Variants in PKD2L2 observed in about 807,000 individuals in gnomAD.
PKD2L2 encodes the protein polycystin 2 like 2, transient receptor potential cation channel.
Under a neutral mutation model 83.9 loss-of-function variants are expected in PKD2L2, and 67 were observed. The ratio of observed to expected loss-of-function variants is 0.80; its 90% CI spans 0.66 to 0.98. PKD2L2 has a LOEUF of 0.98. Ranked by LOEUF, PKD2L2 falls within the 50% of genes least tolerant of loss-of-function variation. The pLI, the probability that PKD2L2 is intolerant of heterozygous loss-of-function variation, is 0.00. For synonymous variants in PKD2L2, 223 were observed against 237.8 expected (o/e 0.94, Z 0.57); for missense variants, 632 against 717.2 (o/e 0.88, Z 1.36).
chr5:137,921,813 A>T, intron 9 of PKD2L2, 57 bp downstream of exon 9: 1 of 1,272,492 alleles, frequency 7.9e-7, no homozygotes, highest in Non-Finnish European at 1.1e-6. Flanking sequence ...AAGTAAAATT[A>T]CTCATTTAGA....
intron 12 of PKD2L2, among the ~76,000 whole-genome samples, chr5:137,929,587 A>G (rs1441998426): frequency 4.6e-5 from 7 of 150,636 alleles, no homozygotes; most frequent in Non-Finnish European, 5.9e-5. Flanking sequence ...GACTTAAAAT[A>G]TAAATATAAA....
chr5:137,917,114 G>A (rs1449843472), intron 8 of PKD2L2, among the ~76,000 whole-genome samples: 1 of 150,628 alleles, frequency 6.6e-6, no homozygotes, highest in African/African-American at 2.4e-5. Flanking sequence ...TGTGTATGTT[G>A]GTCTACTTGA....
At chr5:137,898,314 ATATC>A (rs1197447209) in intron 4 of PKD2L2, among the ~76,000 whole-genome samples, 1 of 152,238 alleles carries the variant, frequency 6.6e-6, no homozygotes. Context: ...TTTCATTAAA[ATATC>A]TACGTAACAA....
intron 4 of PKD2L2, 27 bp downstream of exon 4, chr5:137,894,636 C>A (rs866459461): frequency 6.4e-7 from 1 of 1,553,572 alleles, no homozygotes; most frequent in Middle Eastern, 1.9e-4. Flanking sequence ...TATACTGTAA[C>A]TTTTTCTAGC....
intron 8 of PKD2L2, 60 bp from the exon 9 acceptor site, chr5:137,921,576 C>A: frequency 1.9e-6 from 2 of 1,043,374 alleles, no homozygotes; most frequent in South Asian, 1.4e-5. Context: ...TAGTAACTCC[C>A]ATCAGTTGTC....
intron 12 of PKD2L2, among the ~76,000 whole-genome samples, chr5:137,931,110 G>A (rs1355927841): frequency 3.3e-5 from 5 of 152,082 alleles, no homozygotes; most frequent in African/African-American, 1.2e-4. Context: ...AAAACTGAAT[G>A]AAATGGGCAA....
At chr5:137,913,164 C>T (rs559883282) in intron 8 of PKD2L2, among the ~76,000 whole-genome samples, 7 of 148,736 alleles carry the variant, frequency 4.7e-5, no homozygotes, top group South Asian at 4.3e-4. Flanking sequence ...CGTGAGCCAC[C>T]GCGCCCAGCC....
intron 11 of PKD2L2, 79 bp downstream of exon 11, chr5:137,925,183 GTTTT>G (rs112718472): frequency 1.1e-6 from 1 of 920,416 alleles, no homozygotes; most frequent in South Asian, 1.5e-5. Context: ...GGTTTTTTTT[GTTTT>G]TTGTTTGTTT....
intron 8 of PKD2L2, among the ~76,000 whole-genome samples, chr5:137,917,356 G>C (rs1758468685): frequency 6.6e-6 from 1 of 151,936 alleles, no homozygotes; most frequent in African/African-American, 2.4e-5. Flanking sequence ...TAGAGTCTGG[G>C]TTTCACCATG....
At chr5:137,910,420 C>T (rs181901100) in intron 8 of PKD2L2, among the ~76,000 whole-genome samples, 31 of 151,936 alleles carry the variant, frequency 2.0e-4, no homozygotes, top group Non-Finnish European at 3.7e-4. Context: ...GAGAGGACGT[C>T]TGTTTTTGGT....
intron 8 of PKD2L2, among the ~76,000 whole-genome samples, chr5:137,919,933 C>T (rs1316912465): frequency 1.3e-5 from 2 of 152,204 alleles, no homozygotes; most frequent in African/African-American, 2.4e-5. Context: ...TTTGTTTCCA[C>T]GCGCCTGTAA....
intron 8 of PKD2L2, among the ~76,000 whole-genome samples, chr5:137,921,183 AG>A (rs1047975221): frequency 3.9e-5 from 6 of 152,066 alleles, no homozygotes; most frequent in African/African-American, 1.4e-4. Context: ...CAACATGGTG[AG>A]GCTGTCTCTA....
chr5:137,900,749 C>G (rs1269857201), intron 5 of PKD2L2, among the ~76,000 whole-genome samples: 2 of 152,154 alleles, frequency 1.3e-5, no homozygotes, highest in Non-Finnish European at 2.9e-5. Flanking sequence ...GCACTTTTTG[C>G]AAAATGCCTT....
At chr5:137,928,028 A>G (rs548055418) in intron 12 of PKD2L2, among the ~76,000 whole-genome samples, 14 of 152,348 alleles carry the variant, frequency 9.2e-5, no homozygotes, top group Admixed American at 2.6e-4. Flanking sequence ...AGGCTTATCC[A>G]AGTAAAATTT....
intron 8 of PKD2L2, among the ~76,000 whole-genome samples, chr5:137,920,781 G>A (rs979060722): frequency 2.0e-5 from 3 of 151,178 alleles, no homozygotes; most frequent in African/African-American, 7.3e-5. Context: ...ATCACAAAGA[G>A]GGTAAAATAA....
chr5:137,921,139 T>C (rs550508504), intron 8 of PKD2L2, among the ~76,000 whole-genome samples: 128 of 152,202 alleles, frequency 8.4e-4, no homozygotes, highest in African/African-American at 2.5e-3. Flanking sequence ...GGTGGGCGGA[T>C]CACTTGAGGC....
intron 5 of PKD2L2, among the ~76,000 whole-genome samples, chr5:137,905,803 A>G (rs1757317105): frequency 6.6e-6 from 1 of 152,210 alleles, no homozygotes. Context: ...TTCAAAAATT[A>G]TGTATATTGG....
At chr5:137,912,979 T>C (rs10044410) in intron 8 of PKD2L2, among the ~76,000 whole-genome samples, 28,726 of 150,268 alleles carry the variant, frequency 0.19, 2,913 homozygotes, top group African/African-American at 0.25. Context: ...TAGTTTTGTA[T>C]TTTTAGTGGA....
At position 137,892,836 on chromosome 5, in the gene PKD2L2, G is replaced by A. The variant is rs192857877; in HGVS notation, c.267+223G>A. The stretch of plus-strand genomic sequence containing the variant: ...TTAAAAAATTTTTTTGGCCAGGCAC[G>A]GTGGCTCATGCCTGTAATCCCAGTA... On this transcript the variant is annotated intron_variant, in intron 3 of 14. Coordinates refer to ENST00000508883, the MANE Select transcript of PKD2L2 (RefSeq NM_001300921.2). Among the ~76,000 whole-genome samples the A allele has an allele frequency of 3.5e-3, 539 of 151,968 alleles. 4 individuals carry two copies. Among genetic ancestry groups the A allele is most frequent in the African/African-American group, 0.012 (508 of 41,444 alleles).
Sources: allele counts gnomAD v4.1 joint callset (sites outside exome capture counted in the v4.1 genomes callset), GRCh38; gene constraint gnomAD v4.1.1; transcripts MANE v1.5; gene names NCBI Gene and HGNC (gene_info 2026-07-23, HGNC 2026-07-21).